The following LRP1B variants were observed in gnomAD, a reference collection of about 807,000 sequenced individuals.
The protein encoded by LRP1B is low-density lipoprotein receptor-related protein 1B.
LRP1B carries 217 observed loss-of-function variants against 556.6 expected under a neutral mutation model. The ratio of observed to expected loss-of-function variants is 0.39; its 90% CI spans 0.35 to 0.44. LRP1B has a LOEUF of 0.44. LRP1B is among the 20% of genes least tolerant of loss of function. LRP1B has a pLI of 1.00. For synonymous variants in LRP1B, 2,047 were observed against 1,865.8 expected, an observed-to-expected ratio of 1.10 and a Z score of -2.50; for missense variants, 5,053 against 5,620.8, an observed-to-expected ratio of 0.90 and a Z score of 3.23.
intron 84 of LRP1B, among the ~76,000 whole-genome samples, chr2:140,286,942 A>G (rs576721561): frequency 1.3e-5 from 2 of 151,768 alleles, no homozygotes; most frequent in South Asian, 4.1e-4. Context: ...ACTTTTTTTT[A>G]CAGATAGTGT....
At chr2:141,583,090 C>A (rs924515251) in intron 2 of LRP1B, among the ~76,000 whole-genome samples, 1 of 152,056 alleles carries the variant, frequency 6.6e-6, no homozygotes, top group African/African-American at 2.4e-5. Flanking sequence ...CCCCCTTTGG[C>A]CTCCCAAAGT....
At chr2:141,546,391 C>G (rs1685555816) in intron 2 of LRP1B, among the ~76,000 whole-genome samples, 2 of 152,136 alleles carry the variant, frequency 1.3e-5, no homozygotes, top group African/African-American at 4.8e-5. Context: ...AACTGCTGAT[C>G]CTAAGCACAG....
At chr2:141,254,903 GTAAAT>G (rs145828269) in intron 3 of LRP1B, among the ~76,000 whole-genome samples, 97 of 152,012 alleles carry the variant, frequency 6.4e-4, no homozygotes, top group African/African-American at 2.1e-3. Context: ...TTCAAATTTG[GTAAAT>G]TAAATTATTT....
chr2:142,067,730 C>G (rs578106908), intron 1 of LRP1B, among the ~76,000 whole-genome samples: 2 of 151,362 alleles, frequency 1.3e-5, no homozygotes, highest in South Asian at 2.1e-4. Context: ...AACTTTTTTC[C>G]TCCTGTACAA....
intron 79 of LRP1B, among the ~76,000 whole-genome samples, chr2:140,331,937 T>A (rs1456042099): frequency 6.6e-6 from 1 of 151,978 alleles, no homozygotes; most frequent in Non-Finnish European, 1.5e-5. Context: ...CCTCAGGTGA[T>A]CTGCCCTCCT....
intron 7 of LRP1B, among the ~76,000 whole-genome samples, chr2:141,186,544 T>A (rs1339799379): frequency 6.6e-6 from 1 of 152,072 alleles, no homozygotes; most frequent in African/African-American, 2.4e-5. Context: ...AGCATTTCCT[T>A]CTCTGATATC....
At chr2:140,831,911 G>GA (rs1691730999) in intron 31 of LRP1B, among the ~76,000 whole-genome samples, 1 of 152,032 alleles carries the variant, frequency 6.6e-6, no homozygotes, top group African/African-American at 2.4e-5. Flanking sequence ...ACAGATATAT[G>GA]AAAAAATGTT....
intron 2 of LRP1B, among the ~76,000 whole-genome samples, chr2:141,765,336 A>G (rs1289688532): frequency 6.6e-6 from 1 of 152,268 alleles, no homozygotes; most frequent in Non-Finnish European, 1.5e-5. Context: ...GTTCTCAGGT[A>G]TTAACATTGT....
chr2:140,891,654 A>G (rs1693802648), intron 23 of LRP1B, among the ~76,000 whole-genome samples: 1 of 152,020 alleles, frequency 6.6e-6, no homozygotes, highest in Non-Finnish European at 1.5e-5. Context: ...GCTTCCCTCC[A>G]TTTCTCCAGC....
At chr2:142,109,136 A>G (rs1706871093) in intron 1 of LRP1B, among the ~76,000 whole-genome samples, 1 of 152,178 alleles carries the variant, frequency 6.6e-6, no homozygotes. Context: ...AAATATCTCA[A>G]TTTTCATTTG....
At chr2:140,485,969 A>C (rs569453993) in intron 58 of LRP1B, among the ~76,000 whole-genome samples, 1 of 152,032 alleles carries the variant, frequency 6.6e-6, no homozygotes, top group African/African-American at 2.4e-5. Context: ...TGACCTATTT[A>C]GTTAACTACA....
chr2:141,598,227 C>T (rs1687594061), intron 2 of LRP1B, among the ~76,000 whole-genome samples: 1 of 151,930 alleles, frequency 6.6e-6, no homozygotes, highest in Admixed American at 6.6e-5. Flanking sequence ...ATCTTGAATA[C>T]CACAGTGTCC....
intron 3 of LRP1B, among the ~76,000 whole-genome samples, chr2:141,449,533 C>T (rs1487471301): frequency 6.6e-6 from 1 of 152,068 alleles, no homozygotes; most frequent in Non-Finnish European, 1.5e-5. Context: ...ATCTTCCTAA[C>T]TCTACTTTGC....
At chr2:140,976,503 C>CTT (rs1216208854) in intron 18 of LRP1B, among the ~76,000 whole-genome samples, 231 of 105,330 alleles carry the variant, frequency 2.2e-3, no homozygotes, top group African/African-American at 3.2e-3. Context: ...TTTTTTTTTC[C>CTT]TTTTTTTTTT....
intron 2 of LRP1B, among the ~76,000 whole-genome samples, chr2:141,678,135 T>A (rs1690958409): frequency 6.6e-6 from 1 of 152,220 alleles, no homozygotes; most frequent in Non-Finnish European, 1.5e-5. Flanking sequence ...GAACACATTA[T>A]GTATTAATAG....
chr2:141,190,057 C>G (rs377130796), intron 6 of LRP1B, among the ~76,000 whole-genome samples: 1 of 151,846 alleles, frequency 6.6e-6, no homozygotes, highest in East Asian at 1.9e-4. Context: ...GTCAACACAC[C>G]ACGTCTTTTG....
At chr2:141,299,702 A>G (rs1321713905) in intron 3 of LRP1B, among the ~76,000 whole-genome samples, 1 of 152,218 alleles carries the variant, frequency 6.6e-6, no homozygotes, top group African/African-American at 2.4e-5. Context: ...TCTAAAACTT[A>G]CTTCAAAAAA....
intron 1 of LRP1B, among the ~76,000 whole-genome samples, chr2:142,003,144 T>G (rs1702705599): frequency 6.6e-6 from 1 of 152,258 alleles, no homozygotes; most frequent in African/African-American, 2.4e-5. Flanking sequence ...ATTGAAAGGT[T>G]CTAGGCCTTG....
intron 1 of LRP1B, among the ~76,000 whole-genome samples, chr2:142,077,415 G>A (rs1705544209): frequency 6.6e-6 from 1 of 152,058 alleles, no homozygotes; most frequent in South Asian, 2.1e-4. Context: ...TTGGAGGCAG[G>A]ATGTGTGTTC....
Sources: gnomAD v4.1 joint callset for allele counts (sites outside exome capture counted in the v4.1 genomes callset) on GRCh38, gnomAD v4.1.1 for gene constraint, MANE v1.5 for transcripts, NCBI Gene and HGNC (gene_info 2026-07-23, HGNC 2026-07-21) for gene names.